IL1RAP: variants seen among roughly 807,000 people sequenced by gnomAD.
IL1RAP encodes interleukin 1 receptor accessory protein, also known as interleukin-1 receptor accessory protein.
Under a neutral mutation model 60.7 loss-of-function variants are expected in IL1RAP, and 35 were observed. The observed-to-expected ratio is 0.58, with a 90% CI of 0.44 to 0.76. IL1RAP has a LOEUF of 0.76. Ranked by LOEUF, IL1RAP falls within the 30% of genes least tolerant of loss-of-function variation. The probability of loss-of-function intolerance (pLI) is 0.00; values close to 1 mark genes in which losing one functional copy is unlikely to be tolerated. For synonymous variants in IL1RAP, 268 were observed against 250.9 expected (o/e 1.07, Z -0.64); for missense variants, 572 against 693.9 (o/e 0.82, Z 1.97).
intron 5 of IL1RAP, among the ~76,000 whole-genome samples, chr3:190,616,776 C>G (rs1253220834): frequency 1.3e-5 from 2 of 152,178 alleles, no homozygotes; most frequent in African/African-American, 4.8e-5. Context: ...AGCTCCATGC[C>G]TTTTGGGTCT....
intron 1 of IL1RAP, chr3:190,516,169 C>T (rs1311910738): frequency 1.3e-5 from 2 of 152,234 alleles, no homozygotes; most frequent in African/African-American, 2.4e-5. Flanking sequence ...TGCTTGAGAA[C>T]AGAGTGTGAT....
intron 1 of IL1RAP, among the ~76,000 whole-genome samples, chr3:190,537,500 T>C (rs952652901): frequency 1.9e-4 from 29 of 152,178 alleles, no homozygotes; most frequent in Non-Finnish European, 2.4e-4. Flanking sequence ...ACTAAGCCAC[T>C]GCTTAATTTT....
chr3:190,572,230 A>G (rs1322148622), intron 3 of IL1RAP, among the ~76,000 whole-genome samples: 1 of 152,140 alleles, frequency 6.6e-6, no homozygotes, highest in African/African-American at 2.4e-5. Flanking sequence ...TTAGAGTGAA[A>G]ACATTAATTT....
chr3:190,655,785 T>C, downstream of IL1RAP: 4 of 812,946 alleles, frequency 4.9e-6, no homozygotes, highest in South Asian at 3.6e-5. Flanking sequence ...TTCTGTCATC[T>C]CAAGTGTTTG....
intron 3 of IL1RAP, among the ~76,000 whole-genome samples, chr3:190,582,062 G>A (rs189753780): frequency 4.6e-5 from 7 of 152,300 alleles, no homozygotes; most frequent in African/African-American, 1.7e-4. Flanking sequence ...CTAATTTACT[G>A]GGTGATTTGG....
At chr3:190,637,886 G>A (rs1395963811) in intron 9 of IL1RAP, among the ~76,000 whole-genome samples, 5 of 151,652 alleles carry the variant, frequency 3.3e-5, no homozygotes, top group South Asian at 2.1e-4. Context: ...TACAGAATGC[G>A]CTACTGTATA....
chr3:190,570,136 T>A (rs1468991828), intron 3 of IL1RAP, among the ~76,000 whole-genome samples: 1 of 152,202 alleles, frequency 6.6e-6, no homozygotes, highest in Non-Finnish European at 1.5e-5. Context: ...ATCCACTGAG[T>A]GCTGCCATCT....
At chr3:190,616,335 C>T (rs1441115346) in intron 5 of IL1RAP, among the ~76,000 whole-genome samples, 1 of 152,144 alleles carries the variant, frequency 6.6e-6, no homozygotes, top group African/African-American at 2.4e-5. Flanking sequence ...TAAAACTGAG[C>T]TAACTATATT....
intron 3 of IL1RAP, among the ~76,000 whole-genome samples, chr3:190,577,108 A>AAG: frequency 6.6e-6 from 1 of 151,162 alleles, no homozygotes; most frequent in South Asian, 2.1e-4. Context: ...CTCAAAAAAA[A>AAG]AAAAAAAAAA....
intron 5 of IL1RAP, among the ~76,000 whole-genome samples, chr3:190,612,370 TTTGA>T (rs1288012800): frequency 6.6e-5 from 10 of 152,316 alleles, no homozygotes; most frequent in African/African-American, 2.4e-4. Context: ...TCGAACCTTA[TTTGA>T]TTTTTTAGTT....
chr3:190,633,232 C>G (rs2108828593), intron 9 of IL1RAP, among the ~76,000 whole-genome samples: 1 of 152,014 alleles, frequency 6.6e-6, no homozygotes, highest in East Asian at 1.9e-4. Flanking sequence ...TAATATATCT[C>G]TCCATTTATT....
downstream of IL1RAP, chr3:190,655,743 T>A (rs1734597161): frequency 1.6e-6 from 1 of 643,284 alleles, no homozygotes; most frequent in African/African-American, 1.8e-5. Context: ...GGTGTAGATT[T>A]TTTTGACTGG....
intron 1 of IL1RAP, among the ~76,000 whole-genome samples, chr3:190,547,258 G>T (rs1724452945): frequency 6.6e-6 from 1 of 152,182 alleles, no homozygotes. Context: ...AAATGTCAAT[G>T]CATATGAAAA....
intron 1 of IL1RAP, among the ~76,000 whole-genome samples, chr3:190,535,496 T>G (rs1280730629): frequency 6.6e-6 from 1 of 152,186 alleles, no homozygotes; most frequent in Non-Finnish European, 1.5e-5. Flanking sequence ...ATTTTTTTTC[T>G]CTCGGGTTTT....
At chr3:190,647,240 G>A (rs1307238739) in intron 11 of IL1RAP, among the ~76,000 whole-genome samples, 3 of 151,946 alleles carry the variant, frequency 2.0e-5, no homozygotes, top group Non-Finnish European at 2.9e-5. Flanking sequence ...TTCTCCCCCA[G>A]GCTGTGCATG....
chr3:190,575,807 T>C (rs1272041059), intron 3 of IL1RAP, among the ~76,000 whole-genome samples: 1 of 152,250 alleles, frequency 6.6e-6, no homozygotes, highest in Admixed American at 6.5e-5. Flanking sequence ...ATTTCTGTTT[T>C]TCCCAGTATG....
At chr3:190,614,953 A>G (rs1483391619) in intron 5 of IL1RAP, among the ~76,000 whole-genome samples, 1 of 152,186 alleles carries the variant, frequency 6.6e-6, no homozygotes, top group African/African-American at 2.4e-5. Context: ...GGCATCTCAG[A>G]CAAACTGAGA....
At chr3:190,655,575 G>GTA (rs960316490), downstream of IL1RAP, among the ~76,000 whole-genome samples, 3 of 150,384 alleles carry the variant, frequency 2.0e-5, no homozygotes, top group Admixed American at 1.3e-4. Context: ...GTGTGTGTGT[G>GTA]TGTGTGTGTG....
intron 4 of IL1RAP, among the ~76,000 whole-genome samples, chr3:190,607,056 A>T (rs1730389801): frequency 6.6e-6 from 1 of 152,126 alleles, no homozygotes; most frequent in African/African-American, 2.4e-5. Flanking sequence ...GGTAGGGGTC[A>T]TGCCTACCAC....
Sources: allele counts gnomAD v4.1 joint callset (sites outside exome capture counted in the v4.1 genomes callset), GRCh38; gene constraint gnomAD v4.1.1; transcripts MANE v1.5; gene names NCBI Gene and HGNC (gene_info 2026-07-23, HGNC 2026-07-21).